The following GLTP variants were observed in gnomAD, a reference collection of about 807,000 sequenced individuals.
GLTP encodes glycolipid transfer protein.
Under a neutral mutation model 24.0 loss-of-function variants are expected in GLTP, and 22 were observed. That is an observed-to-expected ratio of 0.92 (90% CI 0.65 to 1.31). The LOEUF (loss-of-function observed/expected upper bound fraction) is 1.31, where lower values mean the gene tolerates loss of function less well. GLTP is among the 50% of genes most tolerant of loss of function. GLTP has a pLI of 0.00. For synonymous variants in GLTP, 92 were observed against 115.9 expected (o/e 0.79, Z 1.33); for missense variants, 224 against 276.6 (o/e 0.81, Z 1.35).
chr12:109,862,172 G>A (rs1262862190), intron 1 of GLTP, among the ~76,000 whole-genome samples: 2 of 152,184 alleles, frequency 1.3e-5, no homozygotes, highest in African/African-American at 2.4e-5. Flanking sequence ...TGCTGCGCCA[G>A]GGGTGCGGGC....
In GLTP at chr12:109,857,916, C is replaced by T. The variant is rs182083881; in HGVS notation, c.163-257G>A. On this transcript the variant is annotated intron_variant, in intron 2 of 4. Transcript: ENST00000318348. This position sits in a 1 kb window ranked among gnomAD's most constrained non-coding sequence, Gnocchi z 4.3. ...CATTATCCCATTTTACAGGCAGAGA[C>T]ACTGAGGCTCACAGAGGAGCACGGA... 6 of 511,092 alleles carry T rather than the reference C, an allele frequency of 1.2e-5. No homozygotes were observed. The highest frequency in any genetic ancestry group is 1.2e-4 in the African/African-American group (6 of 51,966). 31.7% of individuals were successfully genotyped at this position (511,092 alleles called of 1,614,324 possible). A position where few individuals can be genotyped will look rare whatever the true frequency, so the allele number is the denominator to read the frequency against.
chr12:109,873,499 T>G (rs1387871566), intron 1 of GLTP, among the ~76,000 whole-genome samples: 1 of 151,808 alleles, frequency 6.6e-6, no homozygotes, highest in Non-Finnish European at 1.5e-5. Context: ...CCGGGCATGG[T>G]GGTGCACATC....
chr12:109,860,615 T>TCTGCTGGG, intron 1 of GLTP, among the ~76,000 whole-genome samples: 1 of 152,230 alleles, frequency 6.6e-6, no homozygotes, highest in African/African-American at 2.4e-5. Context: ...AGTGCTGGGA[T>TCTGCTGGG]TAGAGGGATA....
intron 4 of GLTP, among the ~76,000 whole-genome samples, chr12:109,854,187 C>T (rs553035059): frequency 2.6e-4 from 40 of 151,802 alleles, no homozygotes; most frequent in Middle Eastern, 3.4e-3. Flanking sequence ...GGTGAAATCT[C>T]GTCTCTACAA....
chr12:109,857,709 C>T lies in GLTP; in HGVS notation c.163-50G>A. ...CCCTTGGGTAAGCTGCCCCCATAGA[C>T]ATCTGGCCCGCACGCTGGGTGAAAA... On this transcript the variant is annotated intron_variant, in intron 2 of 4. Transcript: ENST00000318348. The surrounding 1 kb of genome is among the most constrained non-coding windows in gnomAD (Gnocchi z 4.3). 2.5e-6 allele frequency: 4 copies of T among 1,608,576 alleles called. No individual in the cohort carries two copies. Among genetic ancestry groups the T allele is most frequent in the Middle Eastern group, 1.7e-4 (1 of 6,052 alleles).
At chr12:109,868,060 AGCCACCGC>A (rs1362390336) in intron 1 of GLTP, among the ~76,000 whole-genome samples, 5 of 152,256 alleles carry the variant, frequency 3.3e-5, no homozygotes, top group Non-Finnish European at 7.3e-5. Flanking sequence ...TACAGGCGTG[AGCCACCGC>A]GCCTGGCCTC....
At chr12:109,858,353 AG>A (rs2136043675) in intron 2 of GLTP, among the ~76,000 whole-genome samples, 1 of 152,322 alleles carries the variant, frequency 6.6e-6, no homozygotes, top group East Asian at 1.9e-4. Flanking sequence ...GGATTGGAGA[AG>A]GGGAAGGCCA....
chr12:109,852,077 G>A lies in GLTP; in HGVS notation c.*478C>T, dbSNP rs1450372945. 2.0e-5 allele frequency: 3 copies of A among 152,208 alleles called. No homozygotes were observed. Among genetic ancestry groups the A allele is most frequent in the Non-Finnish European group, 2.9e-5 (2 of 68,194 alleles). 9.4% of individuals were successfully genotyped at this position (152,208 alleles called of 1,614,324 possible). A position where few individuals can be genotyped will look rare whatever the true frequency, so the allele number is the denominator to read the frequency against. On this transcript the variant is annotated 3_prime_UTR_variant, in exon 5 of 5. Transcript: ENST00000318348. ...TTGGCCAGGCTGGTCTCAAACTCCCGACCTCAGGTGATCCACCCGCCTCAG... is the reference window on the plus strand; with the variant it reads ...TTGGCCAGGCTGGTCTCAAACTCCCAACCTCAGGTGATCCACCCGCCTCAG...
In GLTP at chr12:109,855,204, G is replaced by A. The variant is rs540074536; in HGVS notation, c.447+415C>T. ...CAAGCCACCAAGAACCCAGAGGGCCGGTGTCCTTTCAGCAGATGCTCCCAG... is the reference window on the plus strand; with the variant it reads ...CAAGCCACCAAGAACCCAGAGGGCCAGTGTCCTTTCAGCAGATGCTCCCAG... On this transcript the variant is annotated intron_variant, in intron 4 of 4. Transcript: ENST00000318348. This position sits in a 1 kb window ranked among gnomAD's most constrained non-coding sequence, Gnocchi z 4.1. 2.6e-4 allele frequency among the ~76,000 whole-genome samples: 39 copies of A among 152,292 alleles called. No homozygotes were observed. The highest frequency in any genetic ancestry group is 5.0e-4 in the Non-Finnish European group (34 of 68,024).
intron 1 of GLTP, among the ~76,000 whole-genome samples, chr12:109,872,902 A>G (rs1397340099): frequency 6.6e-6 from 1 of 152,222 alleles, no homozygotes; most frequent in East Asian, 1.9e-4. Flanking sequence ...TTCTTGGGAT[A>G]TTCTTCACCA....
chr12:109,853,674 C>A (rs1892756646), intron 4 of GLTP, among the ~76,000 whole-genome samples: 3 of 141,596 alleles, frequency 2.1e-5, no homozygotes, highest in Non-Finnish European at 3.0e-5. Flanking sequence ...GGTGACAGAG[C>A]GAGACTCCGT....
At chr12:109,879,654 G>A (rs912818613) in intron 1 of GLTP, among the ~76,000 whole-genome samples, 1 of 152,132 alleles carries the variant, frequency 6.6e-6, no homozygotes, top group African/African-American at 2.4e-5. Flanking sequence ...AAGAGGCCCT[G>A]GAATTTTGCA....
In GLTP at chr12:109,854,989, C is replaced by T. The variant is rs189113590; in HGVS notation, c.447+630G>A. ...AGCAGAAAGGGTGGCCAGAACAGGC[C>T]GGGCAGGAACACGTGGGTGAGATGA... On this transcript the variant is annotated intron_variant, in intron 4 of 4. Transcript: ENST00000318348. 1.1e-3 allele frequency among the ~76,000 whole-genome samples: 172 copies of T among 152,298 alleles called. 1 individual carries two copies. Among genetic ancestry groups the T allele is most frequent in the African/African-American group, 4.1e-3 (170 of 41,564 alleles).
intron 1 of GLTP, among the ~76,000 whole-genome samples, chr12:109,861,191 C>G (rs1353094178): frequency 6.6e-6 from 1 of 152,136 alleles, no homozygotes; most frequent in African/African-American, 2.4e-5. Flanking sequence ...CAGGGTGACC[C>G]TGCACACCTG....
intron 1 of GLTP, among the ~76,000 whole-genome samples, chr12:109,875,922 C>G (rs1485655176): frequency 2.0e-5 from 3 of 152,216 alleles, no homozygotes; most frequent in Non-Finnish European, 2.9e-5. Flanking sequence ...TGAGAAATAA[C>G]CAAAGGAGTG....
intron 1 of GLTP, among the ~76,000 whole-genome samples, chr12:109,871,081 CTT>C (rs965998479): frequency 2.6e-5 from 3 of 114,428 alleles, no homozygotes; most frequent in Admixed American, 9.1e-5. Context: ...CATTTCCATT[CTT>C]TTTTTTTTTT....
intron 4 of GLTP, 138 bp from the exon 5 acceptor site, chr12:109,852,875 G>A (rs1892745325): frequency 1.6e-6 from 1 of 615,398 alleles, no homozygotes. Flanking sequence ...TGTTGGAAGG[G>A]AAAGGAAAAG....
At chr12:109,874,638 C>T (rs1035182452) in intron 1 of GLTP, among the ~76,000 whole-genome samples, 2 of 150,972 alleles carry the variant, frequency 1.3e-5, no homozygotes, top group Admixed American at 6.6e-5. Flanking sequence ...ATAAAGATGC[C>T]GAGGCTGTGT....
intron 1 of GLTP, among the ~76,000 whole-genome samples, chr12:109,877,876 T>C (rs1868936264): frequency 6.6e-6 from 1 of 152,190 alleles, no homozygotes; most frequent in African/African-American, 2.4e-5. Context: ...TCAGGAGCAA[T>C]TCTCCTCCCC....
Sources: gnomAD v4.1 joint callset for allele counts (sites outside exome capture counted in the v4.1 genomes callset) on GRCh38, gnomAD v4.1.1 for gene constraint, Gnocchi (gnomAD v3.1) non-coding constraint, MANE v1.5 for transcripts, NCBI Gene and HGNC (gene_info 2026-07-23, HGNC 2026-07-21) for gene names.